MID1: variants seen among roughly 807,000 people sequenced by gnomAD.
The protein encoded by MID1 is E3 ubiquitin-protein ligase Midline-1.
Under a neutral mutation model 40.4 loss-of-function variants are expected in MID1, and 7 were observed. The ratio of observed to expected loss-of-function variants is 0.17; its 90% CI spans 0.10 to 0.33. MID1 has a LOEUF of 0.33. Ranked by LOEUF, MID1 falls within the 10% of genes least tolerant of loss-of-function variation. The pLI, the probability that MID1 is intolerant of heterozygous loss-of-function variation, is 1.00. For missense variants in MID1, 367 were observed against 558.5 expected, an observed-to-expected ratio of 0.66 and a Z score of 3.46; for synonymous variants, 229 against 221.2, an observed-to-expected ratio of 1.04 and a Z score of -0.31.
intron 2 of MID1, among the ~76,000 whole-genome samples, chrX:10,533,332 G>GAAAGAA (rs1933061115): frequency 2.3e-5 from 1 of 43,717 alleles, no homozygotes; most frequent in Admixed American, 2.9e-4. Flanking sequence ...AGAAAGGAAA[G>GAAAGAA]AAAGAAAGAA....
intron 2 of MID1, among the ~76,000 whole-genome samples, chrX:10,525,737 C>G (rs1315939829): frequency 8.9e-6 from 1 of 112,387 alleles, no homozygotes; most frequent in Non-Finnish European, 1.9e-5. Context: ...CTGCTTCCTT[C>G]CATGAGAGTT....
chrX:10,652,525 C>T (rs1446181891), intron 1 of MID1, among the ~76,000 whole-genome samples: 1 of 111,690 alleles, frequency 9.0e-6, no homozygotes. Context: ...CCTTGCATTC[C>T]CCTGCACTCC....
At chrX:10,718,739 A>G (rs1201003500) in intron 1 of MID1, among the ~76,000 whole-genome samples, 1 of 111,759 alleles carries the variant, frequency 8.9e-6, no homozygotes, top group Admixed American at 9.5e-5. Flanking sequence ...GCAGAGACAC[A>G]ACAAAAAAAG....
rs200124370 is a variant in MID1 at position 10,459,675 on chromosome X, C to A, written c.1418G>T (p.Ser473Ile). ...TGTCTTCAACTTCCCAGGCTCACTG[C>A]TGCGGCTGCCCGCCTGGTTGATGGC... ...VKAINQAGSR[S>I]SEPGKLKTNS... The change falls in exon 8 of 10, where the codon AGC (serine) becomes ATC (isoleucine). Residue 473 changes from serine (S) to isoleucine (I), a missense_variant. By Grantham distance (142) the Ser-to-Ile change is moderately radical. This residue lies in a region of MID1 where 275 missense variants were observed against 383.1 expected (regional missense o/e 0.72). Coordinates refer to ENST00000317552, the MANE Select transcript of MID1 (RefSeq NM_000381.4). 1 of 1,210,205 alleles carries A rather than the reference C, an allele frequency of 8.3e-7. No homozygotes were observed. Among genetic ancestry groups the A allele is most frequent in the South Asian group, 1.8e-5 (1 of 56,841 alleles).
chrX:10,605,222 G>C (rs1285310389), intron 1 of MID1, among the ~76,000 whole-genome samples: 1 of 112,111 alleles, frequency 8.9e-6, no homozygotes, highest in Non-Finnish European at 1.9e-5. Context: ...TTGGAAATTA[G>C]AGATATGTTA....
intron 1 of MID1, among the ~76,000 whole-genome samples, chrX:10,832,661 A>G (rs1405153685): frequency 8.9e-6 from 1 of 112,394 alleles, no homozygotes; most frequent in Non-Finnish European, 1.9e-5. Context: ...ACCTGATTCC[A>G]AATCACTTTT....
chrX:10,452,968 C>T (rs1928438719), intron 9 of MID1, among the ~76,000 whole-genome samples: 2 of 111,918 alleles, frequency 1.8e-5, no homozygotes, highest in Non-Finnish European at 3.8e-5. Flanking sequence ...CAGATTAATA[C>T]AGCACATTAA....
chrX:10,662,783 G>A (rs952041360), intron 1 of MID1, among the ~76,000 whole-genome samples: 6 of 110,962 alleles, frequency 5.4e-5, no homozygotes, highest in Non-Finnish European at 1.1e-4. Flanking sequence ...TTATTCTACT[G>A]AGAAAATGGG....
chrX:10,529,348 T>G (rs1932898072), intron 2 of MID1, among the ~76,000 whole-genome samples: 1 of 111,980 alleles, frequency 8.9e-6, no homozygotes, highest in African/African-American at 3.2e-5. Context: ...CCCCTAAGAT[T>G]ACATTTTCCA....
Position 10,445,941 on chromosome X carries a change from AG to A in MID1, c.*3426del, listed in dbSNP as rs1270470065. Reference sequence around the variant, plus strand: ...GTTTTTATGAGAGTTTTGCATTAAAAGAAAACCAACGATCAAGTTTCTACAC... The same window carrying A: ...GTTTTTATGAGAGTTTTGCATTAAAAAAAACCAACGATCAAGTTTCTACAC... On this transcript the variant is annotated 3_prime_UTR_variant, in exon 10 of 10. Coordinates refer to ENST00000317552, the MANE Select transcript of MID1 (RefSeq NM_000381.4). 1 of 111,806 alleles carries A rather than the reference AG, an allele frequency of 8.9e-6. No individual in the cohort carries two copies. The highest frequency in any genetic ancestry group is 1.9e-5 in the Non-Finnish European group (1 of 53,208). The allele number at this position is 111,806 out of a possible 1,213,427, so 9.2% of individuals were successfully genotyped here. A position where few individuals can be genotyped will look rare whatever the true frequency, so the allele number is the denominator to read the frequency against.
At chrX:10,667,488 G>A in intron 1 of MID1, among the ~76,000 whole-genome samples, 1 of 111,518 alleles carries the variant, frequency 9.0e-6, no homozygotes, top group Non-Finnish European at 1.9e-5. Context: ...AAATAATAAT[G>A]GGATTTGTAT....
At chrX:10,484,951 T>TA (rs199531881) in intron 4 of MID1, among the ~76,000 whole-genome samples, 2,843 of 109,879 alleles carry the variant, frequency 0.026, 110 homozygotes, top group African/African-American at 0.091. Flanking sequence ...TGTGATGTCA[T>TA]ATATATTTCT....
intron 1 of MID1, among the ~76,000 whole-genome samples, chrX:10,820,393 C>A (rs754680798): frequency 9.8e-4 from 109 of 111,789 alleles, no homozygotes; most frequent in Non-Finnish European, 9.0e-4. Flanking sequence ...TTCACACAGT[C>A]CCGAAAGACA....
intron 1 of MID1, among the ~76,000 whole-genome samples, chrX:10,610,682 T>G (rs759964758): frequency 2.6e-4 from 29 of 111,771 alleles, no homozygotes; most frequent in South Asian, 2.3e-3. Flanking sequence ...ATACTATAAT[T>G]CACAACTTTG....
intron 3 of MID1, among the ~76,000 whole-genome samples, chrX:10,511,686 G>A (rs925371763): frequency 3.6e-5 from 4 of 112,224 alleles, no homozygotes; most frequent in African/African-American, 1.3e-4. Flanking sequence ...ACTGCACCCA[G>A]TCATAACCCA....
chrX:10,544,290 A>G (rs1255009661), intron 2 of MID1, among the ~76,000 whole-genome samples: 1 of 110,882 alleles, frequency 9.0e-6, no homozygotes, highest in Admixed American at 9.6e-5. Context: ...CCAAAGACTT[A>G]GTGCATCAAA....
chrX:10,779,759 G>A (rs766634389), intron 1 of MID1, among the ~76,000 whole-genome samples: 1 of 111,139 alleles, frequency 9.0e-6, no homozygotes, highest in Non-Finnish European at 1.9e-5. Flanking sequence ...TTGAAAGCTG[G>A]GTGAGCAACA....
intron 1 of MID1, among the ~76,000 whole-genome samples, chrX:10,613,732 TAGAGAGAG>T (rs1163813461): frequency 4.6e-3 from 81 of 17,454 alleles, no homozygotes; most frequent in Middle Eastern, 0.067. Flanking sequence ...TATATATATA[TAGAGAGAG>T]AGAGAGAGAG....
chrX:10,661,712 G>C (rs1283166863), intron 1 of MID1, among the ~76,000 whole-genome samples: 1 of 111,948 alleles, frequency 8.9e-6, no homozygotes, highest in South Asian at 3.7e-4. Context: ...AGAATATGCT[G>C]TCTCAGTAGA....
Sources: allele counts gnomAD v4.1 joint callset (sites outside exome capture counted in the v4.1 genomes callset), GRCh38; gene constraint gnomAD v4.1.1; regional missense constraint gnomAD v4.1.1; transcripts MANE v1.5; gene names NCBI Gene and HGNC (gene_info 2026-07-23, HGNC 2026-07-21).